PARN: variants seen among roughly 807,000 people sequenced by gnomAD.
PARN encodes poly(A)-specific ribonuclease.
A neutral mutation model predicts 102.8 loss-of-function variants in PARN; 71 were observed. The ratio of observed to expected loss-of-function variants is 0.69; its 90% confidence interval spans 0.57 to 0.84. PARN has a LOEUF of 0.84. PARN is among the 40% of genes least tolerant of loss of function. The pLI, the probability that PARN is intolerant of heterozygous loss-of-function variation, is 0.00. For synonymous variants in PARN, 261 were observed against 252.9 expected (o/e 1.03, Z -0.30); for missense variants, 782 against 760.9 (o/e 1.03, Z -0.33).
At chr16:14,512,974 T>C (rs969602899) in intron 21 of PARN, among the ~76,000 whole-genome samples, 2 of 152,142 alleles carry the variant, frequency 1.3e-5, no homozygotes, top group Non-Finnish European at 2.9e-5. Context: ...CAAACTGGAG[T>C]GCAGTGGCGT....
At chr16:14,613,248 G>T (rs903072591) in intron 6 of PARN, among the ~76,000 whole-genome samples, 6 of 151,300 alleles carry the variant, frequency 4.0e-5, no homozygotes, top group African/African-American at 1.5e-4. Context: ...GGCAGAGGTT[G>T]CGGTGAGTCA....
chr16:14,496,644 T>G (rs1390774358), intron 21 of PARN, among the ~76,000 whole-genome samples: 2 of 152,168 alleles, frequency 1.3e-5, no homozygotes, highest in Non-Finnish European at 2.9e-5. Context: ...ATCTGCTAGA[T>G]CATGTGAAAT....
At chr16:14,498,758 T>C (rs1964443442) in intron 21 of PARN, among the ~76,000 whole-genome samples, 1 of 152,194 alleles carries the variant, frequency 6.6e-6, no homozygotes, top group Non-Finnish European at 1.5e-5. Context: ...GACGATGAAA[T>C]TTACTTGTTG....
intron 5 of PARN, among the ~76,000 whole-genome samples, chr16:14,624,925 C>T (rs1358309602): frequency 1.3e-5 from 2 of 152,052 alleles, no homozygotes; most frequent in South Asian, 2.1e-4. Context: ...TGGTGCATGC[C>T]TGTAATAACA....
intron 21 of PARN, among the ~76,000 whole-genome samples, chr16:14,508,903 AAT>A (rs146075087): frequency 1.4e-4 from 21 of 149,064 alleles, no homozygotes; most frequent in Admixed American, 2.7e-4. Flanking sequence ...CTTAATTTAA[AAT>A]ATATATATAT....
At chr16:14,532,758 G>A (rs1359820586) in intron 21 of PARN, among the ~76,000 whole-genome samples, 1 of 150,618 alleles carries the variant, frequency 6.6e-6, no homozygotes, top group Non-Finnish European at 1.5e-5. Context: ...CGGGTGGGGG[G>A]CTGACCCCCC....
chr16:14,491,833 T>C (rs931156882), intron 21 of PARN, among the ~76,000 whole-genome samples: 12 of 152,208 alleles, frequency 7.9e-5, no homozygotes, highest in African/African-American at 2.9e-4. Context: ...AAACAGCTTT[T>C]ATGTCTGCTG....
intron 2 of PARN, 34 bp downstream of exon 2, chr16:14,629,563 A>C: frequency 6.6e-7 from 1 of 1,509,976 alleles, no homozygotes; most frequent in South Asian, 1.1e-5. Context: ...TATGCACTGC[A>C]AAGTGCTAGC....
intron 21 of PARN, among the ~76,000 whole-genome samples, chr16:14,520,077 G>C (rs916537076): frequency 1.3e-5 from 2 of 152,116 alleles, no homozygotes; most frequent in African/African-American, 4.8e-5. Flanking sequence ...TTAACAACAA[G>C]CTTATATGAA....
intron 18 of PARN, among the ~76,000 whole-genome samples, chr16:14,573,532 C>A (rs1968934004): frequency 6.6e-6 from 1 of 152,186 alleles, no homozygotes; most frequent in African/African-American, 2.4e-5. Flanking sequence ...GTTCTAGGAA[C>A]TATCAAAGTC....
chr16:14,531,356 C>T (rs534478749), intron 21 of PARN, among the ~76,000 whole-genome samples: 23 of 143,652 alleles, frequency 1.6e-4, no homozygotes, highest in African/African-American at 5.0e-4. Flanking sequence ...CACAAGACTC[C>T]ATCTCAAAAA....
intron 21 of PARN, among the ~76,000 whole-genome samples, chr16:14,551,648 G>C (rs571070380): frequency 3.6e-4 from 52 of 144,750 alleles, no homozygotes; most frequent in African/African-American, 1.3e-3. Flanking sequence ...TCTCAAATAT[G>C]TATCAACAAA....
At chr16:14,576,841 CA>C (rs1035494360) in intron 18 of PARN, among the ~76,000 whole-genome samples, 2 of 152,166 alleles carry the variant, frequency 1.3e-5, no homozygotes, top group Non-Finnish European at 1.5e-5. Flanking sequence ...TGGCACCATG[CA>C]AAACCCTTAT....
intron 21 of PARN, among the ~76,000 whole-genome samples, chr16:14,488,700 TA>T (rs902319159): frequency 6.6e-6 from 1 of 152,240 alleles, no homozygotes; most frequent in African/African-American, 2.4e-5. Context: ...GCAAAAATTA[TA>T]AAAAACATTG....
intron 21 of PARN, among the ~76,000 whole-genome samples, chr16:14,539,689 A>G (rs1026902937): frequency 6.6e-6 from 1 of 152,226 alleles, no homozygotes; most frequent in Non-Finnish European, 1.5e-5. Context: ...CAAAACATAC[A>G]TTCACATGTC....
At chr16:14,484,773 T>A (rs1045060794) in intron 21 of PARN, among the ~76,000 whole-genome samples, 11 of 152,166 alleles carry the variant, frequency 7.2e-5, no homozygotes, top group Non-Finnish European at 1.6e-4. Context: ...GTTTCCGGAA[T>A]GTCATGCCCT....
At chr16:14,545,724 C>T (rs1259862538) in intron 21 of PARN, among the ~76,000 whole-genome samples, 13 of 152,190 alleles carry the variant, frequency 8.5e-5, no homozygotes, top group Admixed American at 8.5e-4. Flanking sequence ...TGTTCCCTAA[C>T]TTAGCTGGCA....
In PARN at chr16:14,532,330, G is replaced by T. The variant is rs1342327135; in HGVS notation, c.1480+19691C>A. ...TAGGCAGAGGACCCTGCGGCCTTCC[G>T]CAGTGTTTGTGTCCCTGGGTACTTG... On this transcript the variant is annotated intron_variant, in intron 21 of 23. Coordinates refer to ENST00000437198, the MANE Select transcript of PARN (RefSeq NM_002582.4). Among the ~76,000 whole-genome samples the T allele has an allele frequency of 2.0e-5, 3 of 151,634 alleles. No individual in the cohort carries two copies. The South Asian group carries it at 6.3e-4, about 32-fold the overall frequency.
chr16:14,580,777 T>C, intron 18 of PARN, 97 bp downstream of exon 18: 3 of 660,326 alleles, frequency 4.5e-6, no homozygotes, highest in Middle Eastern at 2.6e-4. Context: ...TATCTAAAAA[T>C]GTGTTATAGC....
Sources: gnomAD v4.1 joint callset for allele counts (sites outside exome capture counted in the v4.1 genomes callset) on GRCh38, gnomAD v4.1.1 for gene constraint, MANE v1.5 for transcripts, NCBI Gene and HGNC (gene_info 2026-07-23, HGNC 2026-07-21) for gene names.